CALD1: variants seen among roughly 807,000 people sequenced by gnomAD.
CALD1 encodes caldesmon 1.
CALD1 carries 33 observed loss-of-function variants against 99.9 expected under a neutral mutation model. The ratio of observed to expected loss-of-function variants is 0.33; its 90% CI spans 0.25 to 0.44. The LOEUF (loss-of-function observed/expected upper bound fraction) is 0.44. Ranked by LOEUF, CALD1 falls within the 20% of genes least tolerant of loss-of-function variation. The probability of loss-of-function intolerance (pLI) is 1.00; values close to 1 mark genes in which losing one functional copy is unlikely to be tolerated. For missense variants in CALD1, 861 were observed against 962.1 expected (o/e 0.89, Z 1.39); for synonymous variants, 310 against 325.0 (o/e 0.95, Z 0.50).
chr7:134,871,643 C>T (rs998044197), intron 3 of CALD1, among the ~76,000 whole-genome samples: 5 of 152,110 alleles, frequency 3.3e-5, no homozygotes, highest in Admixed American at 2.0e-4. Flanking sequence ...TACACCTGAC[C>T]CCTGCAGACA....
intron 1 of CALD1, among the ~76,000 whole-genome samples, chr7:134,833,967 T>A (rs1799330753): frequency 6.6e-6 from 1 of 152,224 alleles, no homozygotes; most frequent in Non-Finnish European, 1.5e-5. Context: ...CAAATAGGCC[T>A]TTTTCTTCCA....
chr7:134,717,035 C>G, the CALD1 span, among the ~76,000 whole-genome samples: 1 of 152,070 alleles, frequency 6.6e-6, no homozygotes, highest in African/African-American at 2.4e-5. Flanking sequence ...ATCTATCTGT[C>G]TATAATATAT....
At chr7:134,944,379 G>A (rs558160440) in intron 7 of CALD1, 1 of 150,404 alleles carries the variant, frequency 6.6e-6, no homozygotes, top group African/African-American at 2.4e-5. Flanking sequence ...GCTCTATGCA[G>A]TGCACTCTGA....
chr7:134,885,005 C>G (rs1801787067), intron 3 of CALD1, among the ~76,000 whole-genome samples: 1 of 149,778 alleles, frequency 6.7e-6, no homozygotes, highest in Non-Finnish European at 1.5e-5. Flanking sequence ...CTGGTGTGAT[C>G]TCGGCTCACT....
chr7:134,928,151 G>A, intron 3 of CALD1: 1 of 259,876 alleles, frequency 3.8e-6, no homozygotes, highest in Non-Finnish European at 8.2e-6. Context: ...ATCTTACAAG[G>A]CCAGGCCCGG....
chr7:134,762,372 G>A lies in CALD1; in HGVS notation c.-130+18009G>A, dbSNP rs543393161. ...GGTCTCTTTGAACTTGGGCAGTCTC[G>A]AGCATGGGTTTTCTCCATGGGAGGG... On this transcript the variant is annotated intron_variant, in intron 1 of 13. Coordinates refer to the CALD1 transcript ENST00000417172. 1.1e-3 allele frequency among the ~76,000 whole-genome samples: 162 copies of A among 152,300 alleles called. 1 individual carries two copies. The highest frequency in any genetic ancestry group is 3.5e-3 in the African/African-American group (144 of 41,560).
chr7:134,895,342 G>GTA (rs1356784514), intron 3 of CALD1, among the ~76,000 whole-genome samples: 1 of 133,616 alleles, frequency 7.5e-6, no homozygotes, highest in African/African-American at 2.8e-5. Flanking sequence ...GTGTGTGTGT[G>GTA]TATGTATTTA....
intron 6 of CALD1, among the ~76,000 whole-genome samples, chr7:134,936,092 C>T (rs1331841352): frequency 2.6e-5 from 4 of 152,124 alleles, no homozygotes; most frequent in Admixed American, 6.5e-5. Context: ...TCAATTTATC[C>T]TGTTTTCTAT....
At chr7:134,831,546 C>A (rs1799222220) in intron 1 of CALD1, among the ~76,000 whole-genome samples, 1 of 152,118 alleles carries the variant, frequency 6.6e-6, no homozygotes. Context: ...GTCTTGAACT[C>A]CTGACCTCGT....
the CALD1 span, among the ~76,000 whole-genome samples, chr7:134,716,244 G>C: frequency 6.6e-6 from 1 of 152,166 alleles, no homozygotes; most frequent in African/African-American, 2.4e-5. Flanking sequence ...TGTACCATCA[G>C]GGGTAGTTTT....
intron 4 of CALD1, among the ~76,000 whole-genome samples, chr7:134,931,575 A>C (rs1805523372): frequency 6.6e-6 from 1 of 152,202 alleles, no homozygotes; most frequent in Admixed American, 6.6e-5. Flanking sequence ...GAAAGGGCCA[A>C]GTTTGGTCTG....
At chr7:134,899,207 CTTTT>C (rs981812367) in intron 3 of CALD1, among the ~76,000 whole-genome samples, 2 of 137,988 alleles carry the variant, frequency 1.4e-5, no homozygotes. Flanking sequence ...CTTTCTTTTT[CTTTT>C]TTTTTTTTTT....
chr7:134,867,711 C>T lies in CALD1; in HGVS notation c.-23C>T, dbSNP rs1360472269. ...CTTTCAGGTCCAGACATCATCTGGT[C>T]TCCCTGAACCTGAAATCACACCATG... is the stretch of plus-strand genomic sequence containing the variant. On this transcript the variant is annotated 5_prime_UTR_variant, in exon 3 of 15. Coordinates refer to ENST00000361675, the MANE Select transcript of CALD1 (RefSeq NM_033138.4). The T allele has an allele frequency of 6.5e-7, 1 of 1,534,106 alleles. No individual in the cohort carries two copies. Among genetic ancestry groups the T allele is most frequent in the Non-Finnish European group, 9.0e-7 (1 of 1,113,766 alleles).
intron 8 of CALD1, 92 bp from the exon 9 acceptor site, chr7:134,950,282 G>A (rs974377466): frequency 3.9e-6 from 5 of 1,282,248 alleles, no homozygotes; most frequent in Admixed American, 2.1e-5. Flanking sequence ...TGAGTCTGCT[G>A]CCTCTCCAAC....
chr7:134,917,719 G>C (rs989965996), intron 3 of CALD1, among the ~76,000 whole-genome samples: 1 of 152,058 alleles, frequency 6.6e-6, no homozygotes, highest in African/African-American at 2.4e-5. Context: ...ATGAAGAAAA[G>C]GTAAAGTTCA....
At chr7:134,713,437 C>A in the CALD1 span, among the ~76,000 whole-genome samples, 1 of 152,180 alleles carries the variant, frequency 6.6e-6, no homozygotes, top group Non-Finnish European at 1.5e-5. Context: ...TTGGGAATGA[C>A]TTGCTGCCTT....
chr7:134,874,172 T>C (rs987179025), intron 3 of CALD1, among the ~76,000 whole-genome samples: 64 of 152,244 alleles, frequency 4.2e-4, no homozygotes, highest in African/African-American at 1.4e-3. Flanking sequence ...TTTCTTTTTT[T>C]CTTTTTTTCT....
At chr7:134,711,658 CTCTATATATA>C in the CALD1 span, among the ~76,000 whole-genome samples, 18 of 66,988 alleles carry the variant, frequency 2.7e-4, no homozygotes, top group African/African-American at 1.0e-3. Flanking sequence ...CTCTCTCTCT[CTCTATATATA>C]TATATATATA....
intron 1 of CALD1, among the ~76,000 whole-genome samples, chr7:134,825,642 C>A (rs1253209445): frequency 1.3e-5 from 2 of 152,042 alleles, no homozygotes; most frequent in South Asian, 4.1e-4. Context: ...GTATAATCTG[C>A]AAAATTATAT....
Sources: allele counts gnomAD v4.1 joint callset (sites outside exome capture counted in the v4.1 genomes callset), GRCh38; gene constraint gnomAD v4.1.1; transcripts MANE v1.5; gene names NCBI Gene and HGNC (gene_info 2026-07-23, HGNC 2026-07-21).